Variants in KIAA1217 observed in about 807,000 individuals in gnomAD.
KIAA1217 encodes sickle tail protein homolog.
Under a neutral mutation model 163.9 loss-of-function variants are expected in KIAA1217, and 88 were observed. The observed-to-expected ratio is 0.54, with a 90% confidence interval of 0.45 to 0.64. The LOEUF (loss-of-function observed/expected upper bound fraction) is 0.64. KIAA1217 is among the 30% of genes least tolerant of loss of function. KIAA1217 has a pLI of 0.00. For missense variants in KIAA1217, 2,372 were observed against 2,475.0 expected (o/e 0.96, Z 0.88); for synonymous variants, 903 against 923.1 (o/e 0.98, Z 0.39).
intron 1 of KIAA1217, among the ~76,000 whole-genome samples, chr10:23,802,161 G>A (rs1283282736): frequency 3.3e-5 from 5 of 152,144 alleles, no homozygotes; most frequent in Non-Finnish European, 5.9e-5. Context: ...GCAGATACAT[G>A]AGCTTGTACA....
At position 24,048,665 on chromosome 10, in the gene KIAA1217, G is replaced by A. The variant is rs1384649677; in HGVS notation, c.-171+41291G>A. Among the ~76,000 whole-genome samples, 7 of 151,830 alleles carry A rather than the reference G, an allele frequency of 4.6e-5. No homozygotes were observed. In the East Asian group the frequency reaches 1.2e-3, roughly 25 times the overall value. On this transcript the variant is annotated intron_variant, in intron 2 of 18. Coordinates refer to the KIAA1217 transcript ENST00000376462. The stretch of plus-strand genomic sequence containing the variant: ...AAATTGTTTGAATCTGGGAGGCAGA[G>A]GTTGCAGTGAGCCAAGATCATACCC...
intron 1 of KIAA1217, among the ~76,000 whole-genome samples, chr10:23,714,727 G>A (rs1837465841): frequency 6.6e-6 from 1 of 152,066 alleles, no homozygotes; most frequent in African/African-American, 2.4e-5. Context: ...ATTTGCGAAG[G>A]GAACCCCAAA....
chr10:24,227,490 G>T (rs991574422), intron 2 of KIAA1217, among the ~76,000 whole-genome samples: 1 of 150,602 alleles, frequency 6.6e-6, no homozygotes, highest in Admixed American at 6.6e-5. Context: ...CATTACAGGG[G>T]GCAAAAATAA....
At chr10:23,710,572 G>T (rs1254822699) in intron 1 of KIAA1217, among the ~76,000 whole-genome samples, 1 of 152,164 alleles carries the variant, frequency 6.6e-6, no homozygotes, top group African/African-American at 2.4e-5. Context: ...AAAGCATTTT[G>T]TTCTATGCTG....
intron 1 of KIAA1217, among the ~76,000 whole-genome samples, chr10:23,985,638 A>G (rs554263032): frequency 1.3e-5 from 2 of 152,312 alleles, no homozygotes; most frequent in Admixed American, 1.3e-4. Flanking sequence ...TGATTTCTGT[A>G]TTAGTCGATA....
intron 1 of KIAA1217, among the ~76,000 whole-genome samples, chr10:23,765,411 G>A (rs1176982573): frequency 2.6e-5 from 4 of 151,804 alleles, no homozygotes; most frequent in African/African-American, 9.7e-5. Context: ...CTGACCTCGT[G>A]ATCCACCCGC....
intron 1 of KIAA1217, among the ~76,000 whole-genome samples, chr10:23,824,920 G>T (rs1171227894): frequency 1.3e-5 from 2 of 151,876 alleles, no homozygotes; most frequent in Non-Finnish European, 2.9e-5. Context: ...TTTGGACAAG[G>T]TATTACATAG....
intron 6 of KIAA1217, among the ~76,000 whole-genome samples, chr10:24,480,513 T>C (rs1203667384): frequency 2.0e-5 from 3 of 152,222 alleles, no homozygotes; most frequent in Non-Finnish European, 4.4e-5. Context: ...TTTGACAAAG[T>C]ACCGAATCTT....
At chr10:24,004,473 A>G (rs1304150849) in intron 1 of KIAA1217, among the ~76,000 whole-genome samples, 3 of 152,252 alleles carry the variant, frequency 2.0e-5, no homozygotes, top group African/African-American at 7.2e-5. Context: ...TGTAAAAATA[A>G]TAAAACTATA....
chr10:24,026,599 C>T (rs1847948604), intron 2 of KIAA1217, among the ~76,000 whole-genome samples: 1 of 151,456 alleles, frequency 6.6e-6, no homozygotes, highest in African/African-American at 2.4e-5. Context: ...TCTTTCATTC[C>T]TGATATTCAT....
chr10:24,277,097 T>C (rs1169250265), intron 2 of KIAA1217, among the ~76,000 whole-genome samples: 1 of 152,158 alleles, frequency 6.6e-6, no homozygotes, highest in Non-Finnish European at 1.5e-5. Flanking sequence ...TCTTAAAATG[T>C]TTTATCCTCT....
intron 2 of KIAA1217, among the ~76,000 whole-genome samples, chr10:24,177,072 T>G (rs1385453793): frequency 6.6e-6 from 1 of 151,202 alleles, no homozygotes; most frequent in African/African-American, 2.4e-5. Context: ...TTCCCGCCCG[T>G]GCCTCTCCCT....
chr10:24,022,130 C>T (rs1272530583), intron 2 of KIAA1217, among the ~76,000 whole-genome samples: 2 of 151,608 alleles, frequency 1.3e-5, no homozygotes, highest in Admixed American at 1.3e-4. Flanking sequence ...AACTCCTGCT[C>T]TGTGAAAGAC....
chr10:24,022,821 T>C (rs1448295537), intron 2 of KIAA1217, among the ~76,000 whole-genome samples: 2 of 151,472 alleles, frequency 1.3e-5, no homozygotes, highest in East Asian at 1.9e-4. Context: ...TAGGAAATTA[T>C]GACTATCCCA....
chr10:23,991,001 C>T (rs1377496177), intron 1 of KIAA1217, among the ~76,000 whole-genome samples: 1 of 152,162 alleles, frequency 6.6e-6, no homozygotes, highest in Non-Finnish European at 1.5e-5. Context: ...GGAACCTACC[C>T]TTTGAAAATA....
chr10:24,220,788 T>C (rs2069519538), intron 2 of KIAA1217, among the ~76,000 whole-genome samples: 1 of 144,446 alleles, frequency 6.9e-6, no homozygotes, highest in African/African-American at 2.6e-5. Flanking sequence ...GGAGATGGGT[T>C]ATTGCTGTAT....
chr10:24,395,508 C>G (rs1051324012), intron 3 of KIAA1217, among the ~76,000 whole-genome samples: 2 of 152,140 alleles, frequency 1.3e-5, no homozygotes, highest in Non-Finnish European at 2.9e-5. Context: ...GTGGACGAGG[C>G]AAAGGACCAG....
intron 2 of KIAA1217, among the ~76,000 whole-genome samples, chr10:24,031,704 TGG>T (rs1399613195): frequency 4.1e-5 from 6 of 145,250 alleles, no homozygotes; most frequent in Non-Finnish European, 7.4e-5. Flanking sequence ...TGTGTGTGTG[TGG>T]GTGTGTCAAT....
chr10:24,499,668 G>T (rs1157540432), intron 8 of KIAA1217, among the ~76,000 whole-genome samples: 1 of 152,086 alleles, frequency 6.6e-6, no homozygotes, highest in Non-Finnish European at 1.5e-5. Context: ...GGAGGCAGAG[G>T]CTGCAGTGAG....
Sources: allele counts gnomAD v4.1 joint callset (sites outside exome capture counted in the v4.1 genomes callset), GRCh38; gene constraint gnomAD v4.1.1; transcripts MANE v1.5; gene names NCBI Gene and HGNC (gene_info 2026-07-23, HGNC 2026-07-21).